Variants in ARMC9 observed in about 807,000 individuals in gnomAD.
The protein encoded by ARMC9 is lisH domain-containing protein ARMC9.
Under a neutral mutation model 107.0 loss-of-function variants are expected in ARMC9, and 94 were observed. The observed-to-expected ratio is 0.88, with a 90% CI of 0.74 to 1.04. The LOEUF is 1.04. Among genes scored for constraint, ARMC9 ranks in the 50% least tolerant of loss-of-function variants. ARMC9 has a pLI of 0.00. For synonymous variants in ARMC9, 380 were observed against 396.9 expected (o/e 0.96, Z 0.51); for missense variants, 942 against 1,030.1 (o/e 0.91, Z 1.17).
At chr2:231,323,915 G>A (rs993834294) in intron 19 of ARMC9, among the ~76,000 whole-genome samples, 2 of 152,120 alleles carry the variant, frequency 1.3e-5, no homozygotes, top group Non-Finnish European at 2.9e-5. Flanking sequence ...GAGAAACTGA[G>A]GCAGCGGAAG....
intron 20 of ARMC9, among the ~76,000 whole-genome samples, chr2:231,336,875 C>A (rs930151994): frequency 6.6e-6 from 1 of 152,196 alleles, no homozygotes. Flanking sequence ...TGCCCCCAGC[C>A]TGTCTTCTGC....
chr2:231,269,383 A>G (rs1433555798), intron 12 of ARMC9, among the ~76,000 whole-genome samples: 1 of 124,050 alleles, frequency 8.1e-6, no homozygotes, highest in East Asian at 2.3e-4. Flanking sequence ...TCTTTAGGAG[A>G]TTTCTTTTCT....
At chr2:231,284,650 T>C (rs1663520494) in intron 17 of ARMC9, among the ~76,000 whole-genome samples, 1 of 152,188 alleles carries the variant, frequency 6.6e-6, no homozygotes, top group South Asian at 2.1e-4. Flanking sequence ...CAGTGTCTTT[T>C]AGAAAAACCT....
intron 24 of ARMC9, 104 bp downstream of exon 24, chr2:231,370,229 A>G: frequency 7.8e-7 from 1 of 1,288,356 alleles, no homozygotes; most frequent in Non-Finnish European, 1.0e-6. Context: ...TGTGTGTACC[A>G]GGCCAGGCCA....
In ARMC9 at chr2:231,272,998, G is replaced by T. The variant is rs769759549; in HGVS notation, c.1254G>T (p.Leu418=). 6.2e-7 allele frequency: 1 copy of T among 1,613,816 alleles called. No individual in the cohort carries two copies. The highest frequency in any genetic ancestry group is 8.5e-7 in the Non-Finnish European group (1 of 1,179,872). ...AGAACACAAAGGTGCTGCAGATGCT[G>T]GAGGGAAGGCTGAAGGAGGAGGACA... ...LAQNTKVLQM[L]EGRLKEEDKD... Residue 418 remains leucine (L), a synonymous_variant, in exon 14 of 25, where the codon CTG becomes CTT. Coordinates refer to ENST00000611582, the MANE Select transcript of ARMC9 (RefSeq NM_001352754.2).
chr2:231,213,484 T>G (rs1399576932), intron 3 of ARMC9, among the ~76,000 whole-genome samples: 1 of 150,408 alleles, frequency 6.6e-6, no homozygotes, highest in Admixed American at 6.6e-5. Context: ...TTTTTTGGTT[T>G]TTTTTTTTTT....
At chr2:231,272,533 T>TGTTC (rs1553611244) in intron 13 of ARMC9, among the ~76,000 whole-genome samples, 1 of 150,822 alleles carries the variant, frequency 6.6e-6, no homozygotes, top group Admixed American at 6.6e-5. Context: ...TTTGTTTGTT[T>TGTTC]TGAGATGGAG....
At chr2:231,361,434 C>CAA (rs775553119) in intron 23 of ARMC9, among the ~76,000 whole-genome samples, 2 of 37,994 alleles carry the variant, frequency 5.3e-5, no homozygotes, top group Non-Finnish European at 5.2e-5. Context: ...GACCCTGTCT[C>CAA]AAAAAAAAAA....
chr2:231,249,194 G>A (rs1022281752), intron 9 of ARMC9, among the ~76,000 whole-genome samples: 1 of 152,068 alleles, frequency 6.6e-6, no homozygotes, highest in African/African-American at 2.4e-5. Context: ...TTAGAGCAGC[G>A]TTTTCCAAAG....
At chr2:231,301,585 T>C (rs76378527) in intron 19 of ARMC9, among the ~76,000 whole-genome samples, 2,615 of 152,304 alleles carry the variant, frequency 0.017, 75 homozygotes, top group African/African-American at 0.06. Context: ...TTTTTTCAGT[T>C]GTGCTTCTTT....
intron 18 of ARMC9, chr2:231,295,864 A>G (rs79689018): frequency 1.2e-3 from 230 of 186,498 alleles, no homozygotes; most frequent in Non-Finnish European, 2.0e-3. Context: ...ATTAAGTGAA[A>G]TAACGGGTAT....
In ARMC9 at chr2:231,358,490, C is replaced by G. The variant is rs1575178000; in HGVS notation, c.2132-2264C>G. ...GTGCTGGGATTACAGGCATGGGGCC[C>G]CCTCCACTTCCCTTCTCTCACTCAC... On this transcript the variant is annotated intron_variant, in intron 22 of 24. Transcript: ENST00000611582. This position sits in a 1 kb window ranked among gnomAD's most constrained non-coding sequence, Gnocchi z 4.5. 6.6e-6 allele frequency among the ~76,000 whole-genome samples: 1 copy of G among 152,282 alleles called. No homozygotes were observed. The highest frequency in any genetic ancestry group is 1.9e-4 in the East Asian group (1 of 5,172).
At chr2:231,256,106 A>C (rs2037769100) in intron 9 of ARMC9, 16 of 1,551,120 alleles carry the variant, frequency 1.0e-5, no homozygotes, top group Non-Finnish European at 1.4e-5. Context: ...CATGGACACC[A>C]GCCGTGTGCA....
Position 231,373,822 on chromosome 2 carries a change from GA to G in ARMC9, c.*2289del, listed in dbSNP as rs2125603318. 1 of 151,594 alleles carries G rather than the reference GA, an allele frequency of 6.6e-6. No homozygotes were observed. The highest frequency in any genetic ancestry group is 2.1e-4 in the South Asian group (1 of 4,806). 9.4% of individuals were successfully genotyped at this position (151,594 alleles called of 1,614,324 possible). On this transcript the variant is annotated 3_prime_UTR_variant, in exon 25 of 25. Transcript: ENST00000611582. This position sits in a 1 kb window ranked among gnomAD's most constrained non-coding sequence, Gnocchi z 4.4. The stretch of plus-strand genomic sequence containing the variant: ...GGAGGCTGAGGCACAAGAATAGCTT[GA>G]ACCGGGAGATGGAAGATGCAGTGAG...
Position 231,358,530 on chromosome 2 carries a change from A to T in ARMC9, c.2132-2224A>T, listed in dbSNP as rs2045433851. ...CTCTCACTCACCTTGCCCCAGGCCCATCCTGGCCCCAGGCAGCGCTCCCCA... is the reference window on the plus strand; with the variant it reads ...CTCTCACTCACCTTGCCCCAGGCCCTTCCTGGCCCCAGGCAGCGCTCCCCA... On this transcript the variant is annotated intron_variant, in intron 22 of 24. Coordinates refer to ENST00000611582, the MANE Select transcript of ARMC9 (RefSeq NM_001352754.2). This position sits in a 1 kb window ranked among gnomAD's most constrained non-coding sequence, Gnocchi z 4.5. 6.6e-6 allele frequency among the ~76,000 whole-genome samples: 1 copy of T among 152,094 alleles called. No individual in the cohort carries two copies. Among genetic ancestry groups the T allele is most frequent in the South Asian group, 2.1e-4 (1 of 4,832 alleles).
At chr2:231,233,352 C>G (rs1284649205) in intron 7 of ARMC9, among the ~76,000 whole-genome samples, 1 of 152,166 alleles carries the variant, frequency 6.6e-6, no homozygotes, top group Non-Finnish European at 1.5e-5. Context: ...CATTCAGACC[C>G]CACTCAGTGT....
intron 5 of ARMC9, among the ~76,000 whole-genome samples, chr2:231,218,447 A>C (rs2033765033): frequency 6.6e-6 from 1 of 152,186 alleles, no homozygotes; most frequent in Non-Finnish European, 1.5e-5. Context: ...TCACAGTGAG[A>C]CTTCTGTTCC....
At chr2:231,232,527 C>T (rs1011430320) in intron 7 of ARMC9, among the ~76,000 whole-genome samples, 15 of 151,412 alleles carry the variant, frequency 9.9e-5, no homozygotes, top group African/African-American at 3.4e-4. Context: ...TCTCAGCTCA[C>T]TGCAACCTCC....
chr2:231,336,599 A>G (rs57908932), intron 20 of ARMC9, among the ~76,000 whole-genome samples: 15,124 of 152,164 alleles, frequency 0.099, 1,572 homozygotes, highest in African/African-American at 0.26. Flanking sequence ...GTTTTGGGGG[A>G]AATGCCTATA....
Sources: allele counts gnomAD v4.1 joint callset (sites outside exome capture counted in the v4.1 genomes callset), GRCh38; gene constraint gnomAD v4.1.1; non-coding constraint Gnocchi (gnomAD v3.1); transcripts MANE v1.5; gene names NCBI Gene and HGNC (gene_info 2026-07-23, HGNC 2026-07-21).